BAZ2B: variants seen among roughly 807,000 people sequenced by gnomAD.
BAZ2B encodes bromodomain adjacent to zinc finger domain 2B.
In BAZ2B, 91 loss-of-function variants were observed where a neutral mutation model predicts 246.0. The ratio of observed to expected loss-of-function variants is 0.37; its 90% CI spans 0.31 to 0.44. The LOEUF is 0.44. BAZ2B is among the 20% of genes least tolerant of loss of function. BAZ2B has a pLI of 1.00. For missense variants in BAZ2B, 2,332 were observed against 2,533.7 expected (o/e 0.92, Z 1.71); for synonymous variants, 855 against 860.0 (o/e 0.99, Z 0.10).
At chr2:159,429,569 AAT>A (rs1481200563) in intron 10 of BAZ2B, among the ~76,000 whole-genome samples, 2 of 152,144 alleles carry the variant, frequency 1.3e-5, no homozygotes, top group African/African-American at 4.8e-5. Context: ...GCAGGAGAGA[AAT>A]AGAGGTTTCA....
chr2:159,533,656 C>T lies in BAZ2B; in HGVS notation c.-3+22167G>A, dbSNP rs1192139179. On this transcript the variant is annotated intron_variant, in intron 2 of 36. Transcript: ENST00000392783. ...AAAAAAGAAGAAGAAAGATTTTCAC[C>T]AAACAAGTATAACTAATAACACAAC... is the stretch of plus-strand genomic sequence containing the variant. Among the ~76,000 whole-genome samples the T allele has an allele frequency of 2.0e-5, 3 of 152,184 alleles. No individual in the cohort carries two copies. The East Asian group carries it at 5.8e-4, about 29-fold the overall frequency.
chr2:159,513,414 T>C (rs1476234221), intron 2 of BAZ2B, among the ~76,000 whole-genome samples: 2 of 152,224 alleles, frequency 1.3e-5, no homozygotes, highest in African/African-American at 4.8e-5. Context: ...TCAGTCTCAA[T>C]TTGGGTTGTA....
the BAZ2B span, among the ~76,000 whole-genome samples, chr2:159,683,179 A>G: frequency 6.6e-6 from 1 of 152,162 alleles, no homozygotes; most frequent in Non-Finnish European, 1.5e-5. Context: ...TTCTTTGGGA[A>G]AATACGTTCT....
chr2:159,386,563 T>C lies in BAZ2B; in HGVS notation c.3261A>G (p.Gly1087=). 1 of 1,613,188 alleles carries C rather than the reference T, an allele frequency of 6.2e-7. No homozygotes were observed. Among genetic ancestry groups the C allele is most frequent in the East Asian group, 2.2e-5 (1 of 44,812 alleles). Residue 1087 remains glycine, a synonymous_variant, in exon 22 of 37, where the codon GGA becomes GGG. Transcript: ENST00000392783. ...LPRIPGLVLS[G]STFSDCLMVV... ...CCATGAGACAGTCTGAAAATGTACT[T>C]CCAGAGAGAACAAGTCCTGGAATAC...
chr2:159,350,080 C>T lies in BAZ2B; in HGVS notation c.4491G>A (p.Thr1497=), dbSNP rs372921429. The T allele has an allele frequency of 1.7e-5, 28 of 1,614,112 alleles. No individual in the cohort carries two copies. Among genetic ancestry groups the T allele is most frequent in the South Asian group, 7.7e-5 (7 of 91,080 alleles). The part of the protein sequence containing the change: ...PKPNAGANGC[T]LSYQNSGKHS... Reference sequence around the variant, plus strand: ...GTTTTCCACTGTTCTGATAAGACAACGTGCACCCATTTGCACCAGCATTTG... The same window carrying T: ...GTTTTCCACTGTTCTGATAAGACAATGTGCACCCATTTGCACCAGCATTTG... The change falls in exon 28 of 37, where the codon ACG becomes ACA. Residue 1497 remains threonine, a synonymous_variant. Transcript: ENST00000392783.
At chr2:159,326,068 G>A in intron 34 of BAZ2B, 150 bp from the exon 35 acceptor site, 1 of 684,894 alleles carries the variant, frequency 1.5e-6, no homozygotes, top group Non-Finnish European at 2.2e-6. Flanking sequence ...AGAAAGATCT[G>A]TGTATTTTTT....
intron 33 of BAZ2B, among the ~76,000 whole-genome samples, chr2:159,336,112 G>C (rs2065624863): frequency 6.6e-6 from 1 of 152,164 alleles, no homozygotes; most frequent in African/African-American, 2.4e-5. Context: ...AGTGAGCCAA[G>C]ATTGTGCCAC....
chr2:159,324,529 C>T (rs2063165836), intron 36 of BAZ2B, among the ~76,000 whole-genome samples: 3 of 151,730 alleles, frequency 2.0e-5, no homozygotes, highest in Non-Finnish European at 4.4e-5. Context: ...GTTTGTGGTG[C>T]TCTTTCAATG....
At chr2:159,706,258 G>A in the BAZ2B span, among the ~76,000 whole-genome samples, 9 of 151,944 alleles carry the variant, frequency 5.9e-5, no homozygotes, top group South Asian at 2.1e-4. Flanking sequence ...AGGAAAAGGC[G>A]AAAAACGGAA....
chr2:159,466,868 A>G (rs2077127204), intron 3 of BAZ2B, among the ~76,000 whole-genome samples: 1 of 152,148 alleles, frequency 6.6e-6, no homozygotes, highest in Non-Finnish European at 1.5e-5. Context: ...ATGCCCACCT[A>G]CACTGGGGAG....
chr2:159,338,916 T>C (rs534009248), intron 31 of BAZ2B, among the ~76,000 whole-genome samples: 1 of 152,338 alleles, frequency 6.6e-6, no homozygotes, highest in Admixed American at 6.5e-5. Context: ...ATTCTGCATA[T>C]ATGTATATGT....
intron 1 of BAZ2B, among the ~76,000 whole-genome samples, chr2:159,592,376 C>T (rs1308182006): frequency 6.6e-6 from 1 of 152,128 alleles, no homozygotes; most frequent in African/African-American, 2.4e-5. Flanking sequence ...TCTTGAACTC[C>T]TAGGCTCAAG....
chr2:159,543,612 T>C (rs900779560), intron 2 of BAZ2B, among the ~76,000 whole-genome samples: 1 of 151,794 alleles, frequency 6.6e-6, no homozygotes, highest in African/African-American at 2.4e-5. Context: ...CAAGGCTCAT[T>C]GCAACCTCTG....
chr2:159,495,855 C>T (rs1035147509), intron 2 of BAZ2B, among the ~76,000 whole-genome samples: 1 of 150,812 alleles, frequency 6.6e-6, no homozygotes, highest in East Asian at 2.0e-4. Context: ...GGAAGCTCTG[C>T]CTCCCGGGTT....
chr2:159,500,150 G>T (rs1203739171), intron 2 of BAZ2B, among the ~76,000 whole-genome samples: 1 of 152,036 alleles, frequency 6.6e-6, no homozygotes, highest in Non-Finnish European at 1.5e-5. Context: ...TATAGTTTTG[G>T]GTTTTACATT....
At chr2:159,608,847 C>G (rs1487301615) in intron 1 of BAZ2B, among the ~76,000 whole-genome samples, 1 of 152,012 alleles carries the variant, frequency 6.6e-6, no homozygotes, top group Non-Finnish European at 1.5e-5. Context: ...ACAAACCTAT[C>G]CAGCCATTTC....
chr2:159,707,299 C>T, the BAZ2B span, among the ~76,000 whole-genome samples: 1 of 152,036 alleles, frequency 6.6e-6, no homozygotes, highest in Non-Finnish European at 1.5e-5. Flanking sequence ...CCTATAATCA[C>T]AGCACTTTGG....
intron 31 of BAZ2B, among the ~76,000 whole-genome samples, chr2:159,344,776 A>G (rs2067461910): frequency 6.6e-6 from 1 of 152,096 alleles, no homozygotes. Context: ...CAGGCACACA[A>G]AGTTAAACAC....
At chr2:159,621,811 A>G in the BAZ2B span, among the ~76,000 whole-genome samples, 15 of 152,048 alleles carry the variant, frequency 9.9e-5, no homozygotes, top group Non-Finnish European at 1.6e-4. Flanking sequence ...AAAAAAAATT[A>G]AAATTAGCTA....
Sources: gnomAD v4.1 joint callset for allele counts (sites outside exome capture counted in the v4.1 genomes callset) on GRCh38, gnomAD v4.1.1 for gene constraint, MANE v1.5 for transcripts, NCBI Gene and HGNC (gene_info 2026-07-23, HGNC 2026-07-21) for gene names.